The following CACNA1B variants were observed in gnomAD, a reference collection of about 807,000 sequenced individuals.
CACNA1B encodes calcium voltage-gated channel subunit alpha1 B.
In CACNA1B, 70 loss-of-function variants were observed where a neutral mutation model predicts 247.2. The observed-to-expected ratio is 0.28, with a 90% CI of 0.23 to 0.35. The LOEUF (loss-of-function observed/expected upper bound fraction) is 0.35. Among genes scored for constraint, CACNA1B ranks in the 10% least tolerant of loss-of-function variants. The probability of loss-of-function intolerance (pLI) is 1.00; values close to 1 mark genes in which losing one functional copy is unlikely to be tolerated. For missense variants in CACNA1B, 2,367 were observed against 3,197.4 expected (o/e 0.74, Z 6.26); for synonymous variants, 1,231 against 1,294.4 (o/e 0.95, Z 1.05).
At position 137,974,139 on chromosome 9, in the gene CACNA1B, G is replaced by A. The variant is rs72769059; in HGVS notation, c.1544-1768G>A. Among the ~76,000 whole-genome samples, 2,941 of 152,302 alleles carry A rather than the reference G, an allele frequency of 0.019. 47 individuals carry two copies. Among genetic ancestry groups the A allele is most frequent in the Non-Finnish European group, 0.033 (2,212 of 68,028 alleles). ...TTGTGTATTCCCCTGGGCTTGCTGG[G>A]GTGCTCTGCACTGGACTGCAGGGGT... is the stretch of plus-strand genomic sequence containing the variant. On this transcript the variant is annotated intron_variant, in intron 11 of 46. Coordinates refer to ENST00000371372, the MANE Select transcript of CACNA1B (RefSeq NM_000718.4). The surrounding 1 kb of genome is among the most constrained non-coding windows in gnomAD (Gnocchi z 4.5).
In CACNA1B at chr9:138,010,169, T is replaced by A; in HGVS notation, c.2160+92T>A. 1 of 1,014,342 alleles carries A rather than the reference T, an allele frequency of 9.9e-7. No homozygotes were observed. The highest frequency in any genetic ancestry group is 1.5e-6 in the Non-Finnish European group (1 of 647,822). The allele number at this position is 1,014,342 out of a possible 1,614,324, so 62.8% of individuals were successfully genotyped here. On this transcript the variant is annotated intron_variant, in intron 17 of 46. Coordinates refer to ENST00000371372, the MANE Select transcript of CACNA1B (RefSeq NM_000718.4). This position sits in a 1 kb window ranked among gnomAD's most constrained non-coding sequence, Gnocchi z 5.3. ...GTCTGGGTCCTGGGTTAGGGCCTCG[T>A]GTCCAGGAGCGTTGCCTTGGGTCCT...
intron 12 of CACNA1B, among the ~76,000 whole-genome samples, chr9:137,980,386 T>G (rs1958280424): frequency 6.6e-6 from 1 of 152,218 alleles, no homozygotes; most frequent in Non-Finnish European, 1.5e-5. Flanking sequence ...TCAATCTCTT[T>G]GAAGAGCCTG....
In CACNA1B at chr9:138,052,241, T is replaced by G. The variant is rs779155739; in HGVS notation, c.3807+53T>G. The G allele has an allele frequency of 1.2e-6, 1 of 840,720 alleles. No homozygotes were observed. The highest frequency in any genetic ancestry group is 2.3e-5 in the African/African-American group (1 of 43,618). 52.1% of individuals were successfully genotyped at this position (840,720 alleles called of 1,614,324 possible). A position where few individuals can be genotyped will look rare whatever the true frequency, so the allele number is the denominator to read the frequency against. On this transcript the variant is annotated intron_variant, in intron 25 of 46. Transcript: ENST00000371372. This position sits in a 1 kb window ranked among gnomAD's most constrained non-coding sequence, Gnocchi z 5.1. Reference sequence around the variant, plus strand: ...GATGTGCTGTGTGTGTGTGCGTGTGTGTGTGTGCGTGTGTGTGTGTGTATG... The same window carrying G: ...GATGTGCTGTGTGTGTGTGCGTGTGGGTGTGTGCGTGTGTGTGTGTGTATG...
intron 6 of CACNA1B, among the ~76,000 whole-genome samples, chr9:137,946,855 C>G (rs761678868): frequency 6.6e-6 from 1 of 152,212 alleles, no homozygotes. Context: ...TTGGGCTTGC[C>G]TCCTGGCTGG....
intron 36 of CACNA1B, among the ~76,000 whole-genome samples, chr9:138,085,891 T>C (rs964946673): frequency 9.3e-5 from 14 of 151,136 alleles, no homozygotes; most frequent in Non-Finnish European, 1.9e-4. Flanking sequence ...TTACAAGAAA[T>C]ACACAAGGGA....
intron 6 of CACNA1B, among the ~76,000 whole-genome samples, chr9:137,933,804 G>A (rs1283511008): frequency 6.6e-6 from 1 of 152,146 alleles, no homozygotes; most frequent in Non-Finnish European, 1.5e-5. Context: ...ATTGCTGGAG[G>A]GGTAAAGGGA....
chr9:138,006,595 C>T (rs773580968), intron 15 of CACNA1B, among the ~76,000 whole-genome samples, 172 bp from the exon 16 acceptor site: 1 of 152,198 alleles, frequency 6.6e-6, no homozygotes, highest in Non-Finnish European at 1.5e-5. Context: ...CTGGAGGACC[C>T]TGGGATGCCC....
intron 6 of CACNA1B, among the ~76,000 whole-genome samples, chr9:137,920,689 A>T (rs936740600): frequency 2.6e-5 from 4 of 152,188 alleles, no homozygotes; most frequent in Admixed American, 2.0e-4. Flanking sequence ...ATGATTATGC[A>T]CGTATGCTTT....
chr9:137,919,301 C>T lies in CACNA1B; in HGVS notation c.966+1870C>T, dbSNP rs147938201. ...TAAGGGCATGGACAGTGGCGAGTGCCGTGAAGAAAACAGAAGAGGTTGAGG... is the reference window on the plus strand; with the variant it reads ...TAAGGGCATGGACAGTGGCGAGTGCTGTGAAGAAAACAGAAGAGGTTGAGG... On this transcript the variant is annotated intron_variant, in intron 6 of 46. Transcript: ENST00000371372. This position sits in a 1 kb window ranked among gnomAD's most constrained non-coding sequence, Gnocchi z 4.6. Among the ~76,000 whole-genome samples, 4 of 152,162 alleles carry T rather than the reference C, an allele frequency of 2.6e-5. No homozygotes were observed. Among genetic ancestry groups the T allele is most frequent in the Admixed American group, 6.5e-5 (1 of 15,288 alleles).
chr9:137,984,498 G>A (rs1436202404), intron 13 of CACNA1B, among the ~76,000 whole-genome samples: 1 of 152,212 alleles, frequency 6.6e-6, no homozygotes, highest in Non-Finnish European at 1.5e-5. Flanking sequence ...TGCTTTCCAC[G>A]ATTTCCCATC....
rs757598651 is a variant in CACNA1B at position 138,058,530 on chromosome 9, T to C, written c.4309-39T>C. ...GCAGTAGATGCCGTCGGGTAGGTTT[T>C]CTGCTTCTGAGTCTCTGTGCTCCTT... is the stretch of plus-strand genomic sequence containing the variant. On this transcript the variant is annotated intron_variant, in intron 28 of 46. Coordinates refer to ENST00000371372, the MANE Select transcript of CACNA1B (RefSeq NM_000718.4). This position sits in a 1 kb window ranked among gnomAD's most constrained non-coding sequence, Gnocchi z 4.7. The C allele has an allele frequency of 6.3e-7, 1 of 1,576,610 alleles. No individual in the cohort carries two copies. The highest frequency in any genetic ancestry group is 8.6e-7 in the Non-Finnish European group (1 of 1,161,922).
chr9:137,981,643 A>AT (rs1361284847), intron 12 of CACNA1B, among the ~76,000 whole-genome samples: 1 of 151,838 alleles, frequency 6.6e-6, no homozygotes, highest in Non-Finnish European at 1.5e-5. Context: ...CGTCCAGCTA[A>AT]TTTTTTTGTA....
chr9:138,093,917 T>C (rs2131339262), intron 36 of CACNA1B, among the ~76,000 whole-genome samples: 1 of 152,318 alleles, frequency 6.6e-6, no homozygotes, highest in South Asian at 2.1e-4. Flanking sequence ...AATTGTACTC[T>C]TGGTATAGAC....
intron 15 of CACNA1B, among the ~76,000 whole-genome samples, chr9:137,992,273 G>A (rs976849174): frequency 6.6e-6 from 1 of 152,142 alleles, no homozygotes; most frequent in Admixed American, 6.5e-5. Context: ...GACTAAAAGC[G>A]AGCAGGAATA....
chr9:138,121,382 C>A lies in CACNA1B; in HGVS notation c.6490-87C>A. ...CCCTCTCTCCTCCCATCCCCCCAGG[C>A]ACCTGTGTGTGATGTGCTCTGTCTG... On this transcript the variant is annotated intron_variant, in intron 46 of 46. Coordinates refer to ENST00000371372, the MANE Select transcript of CACNA1B (RefSeq NM_000718.4). The surrounding 1 kb of genome is among the most constrained non-coding windows in gnomAD (Gnocchi z 6.8). 1 of 1,048,166 alleles carries A rather than the reference C, an allele frequency of 9.5e-7. No individual in the cohort carries two copies. The highest frequency in any genetic ancestry group is 1.3e-6 in the Non-Finnish European group (1 of 742,280). 64.9% of individuals were successfully genotyped at this position (1,048,166 alleles called of 1,614,324 possible).
Position 138,012,725 on chromosome 9 carries a change from A to C in CACNA1B, c.2161-404A>C, listed in dbSNP as rs1235642093. ...CGAGACCCTGTCTCTAAAAAAAAAA[A>C]AAACAAATAACAAAAAACAAAACAA... On this transcript the variant is annotated intron_variant, in intron 17 of 46. Coordinates refer to ENST00000371372, the MANE Select transcript of CACNA1B (RefSeq NM_000718.4). This position sits in a 1 kb window ranked among gnomAD's most constrained non-coding sequence, Gnocchi z 4.2. Among the ~76,000 whole-genome samples the C allele has an allele frequency of 3.9e-5, 6 of 152,030 alleles. No individual in the cohort carries two copies. The highest frequency in any genetic ancestry group is 1.9e-4 in the East Asian group (1 of 5,172).
chr9:138,017,388 C>T (rs1266627226), intron 18 of CACNA1B, among the ~76,000 whole-genome samples: 1 of 152,252 alleles, frequency 6.6e-6, no homozygotes, highest in African/African-American at 2.4e-5. Context: ...AGTCCTGCCA[C>T]GGGGTCAGAC....
At chr9:138,116,045 A>T (rs1002516953) in intron 42 of CACNA1B, among the ~76,000 whole-genome samples, 5 of 152,194 alleles carry the variant, frequency 3.3e-5, no homozygotes, top group African/African-American at 1.2e-4. Context: ...CCGCCTTCCT[A>T]ACAGCACTTA....
chr9:137,932,561 T>A (rs1957619768), intron 6 of CACNA1B, among the ~76,000 whole-genome samples: 1 of 152,216 alleles, frequency 6.6e-6, no homozygotes, highest in Non-Finnish European at 1.5e-5. Context: ...CTGGAAAGGA[T>A]CTTGGGAAGT....
Sources: allele counts gnomAD v4.1 joint callset (sites outside exome capture counted in the v4.1 genomes callset), GRCh38; gene constraint gnomAD v4.1.1; non-coding constraint Gnocchi (gnomAD v3.1); transcripts MANE v1.5; gene names NCBI Gene and HGNC (gene_info 2026-07-23, HGNC 2026-07-21).